The following SOX6 variants were observed in gnomAD, a reference collection of about 807,000 sequenced individuals.
SOX6 encodes the protein transcription factor SOX-6.
A neutral mutation model predicts 97.8 loss-of-function variants in SOX6; 11 were observed. The observed-to-expected ratio is 0.11, with a 90% CI of 0.07 to 0.19. The LOEUF (loss-of-function observed/expected upper bound fraction) is 0.19, where lower values mean the gene tolerates loss of function less well. Ranked by LOEUF, SOX6 falls within the 10% of genes least tolerant of loss-of-function variation. The pLI is 1.00. For synonymous variants in SOX6, 360 were observed against 371.4 expected, an observed-to-expected ratio of 0.97 and a Z score of 0.35; for missense variants, 810 against 1,039.5, an observed-to-expected ratio of 0.78 and a Z score of 3.04.
intron 3 of SOX6, among the ~76,000 whole-genome samples, chr11:16,638,831 A>G (rs1455432153): frequency 6.6e-6 from 1 of 152,190 alleles, no homozygotes; most frequent in Non-Finnish European, 1.5e-5. Context: ...CCTTTGTCAG[A>G]TGAGTAGATT....
intron 13 of SOX6, among the ~76,000 whole-genome samples, chr11:15,998,015 G>A (rs939338832): frequency 6.6e-6 from 1 of 151,880 alleles, no homozygotes; most frequent in African/African-American, 2.4e-5. Context: ...GGGAGGCAGA[G>A]GCTGCAGTGA....
chr11:16,275,648 T>C (rs1234182172), intron 3 of SOX6, among the ~76,000 whole-genome samples: 1 of 152,166 alleles, frequency 6.6e-6, no homozygotes, highest in East Asian at 1.9e-4. Context: ...AAAGGAAGCA[T>C]AGGTATTTTA....
At chr11:16,443,066 G>A (rs1859536048) in intron 1 of SOX6, among the ~76,000 whole-genome samples, 1 of 151,650 alleles carries the variant, frequency 6.6e-6, no homozygotes, top group African/African-American at 2.4e-5. Context: ...TTTAATGTCT[G>A]GTGCATTTAC....
At chr11:16,587,534 T>A (rs1334636292) in intron 4 of SOX6, among the ~76,000 whole-genome samples, 1 of 152,196 alleles carries the variant, frequency 6.6e-6, no homozygotes, top group East Asian at 1.9e-4. Flanking sequence ...TGGTAACGGC[T>A]CAATATATGT....
At position 16,649,100 on chromosome 11, in the gene SOX6, C is replaced by A. The variant is rs1329847758; in HGVS notation, n.430-36840G>T. On this transcript the variant is annotated intron_variant and non_coding_transcript_variant, in intron 3 of 5. Transcript: ENST00000524520. ...AAAGAAGGAAAAAAAAAGAACAAAG[C>A]CTCCAAAATATTTGGGATTATCTTA... 2.6e-5 allele frequency among the ~76,000 whole-genome samples: 4 copies of A among 152,004 alleles called. No individual in the cohort carries two copies. In the East Asian group the frequency reaches 7.7e-4, roughly 29 times the overall value.
At chr11:16,213,104 A>T (rs1337558297) in intron 4 of SOX6, among the ~76,000 whole-genome samples, 4 of 151,948 alleles carry the variant, frequency 2.6e-5, no homozygotes, top group Non-Finnish European at 5.9e-5. Flanking sequence ...TGATTCCTGG[A>T]CCTCAAATCT....
chr11:16,062,353 G>A lies in SOX6; in HGVS notation c.1102-6452C>T, dbSNP rs539055189. ...GACTAATGGTTTAGGAACAGAAAAG[G>A]TTAAATTCTGATTAACTATTACATA... On this transcript the variant is annotated intron_variant, in intron 9 of 15. Coordinates refer to ENST00000683767, the MANE Select transcript of SOX6 (RefSeq NM_001367873.1). 4.0e-5 allele frequency among the ~76,000 whole-genome samples: 6 copies of A among 151,676 alleles called. No homozygotes were observed. In the East Asian group the frequency reaches 1.2e-3, roughly 29 times the overall value.
intron 1 of SOX6, among the ~76,000 whole-genome samples, chr11:16,446,490 T>TGATCTGA (rs760034384): frequency 1.0e-3 from 154 of 152,286 alleles, no homozygotes; most frequent in Middle Eastern, 3.4e-3. Context: ...TTTTATTTAA[T>TGATCTGA]TAGCTTCATG....
At chr11:16,138,642 T>C (rs1404762381) in intron 6 of SOX6, among the ~76,000 whole-genome samples, 3 of 152,122 alleles carry the variant, frequency 2.0e-5, no homozygotes, top group South Asian at 4.2e-4. Context: ...GTTGGTGTGC[T>C]GCACCCATTA....
intron 15 of SOX6, among the ~76,000 whole-genome samples, chr11:15,981,751 A>G (rs4237711): frequency 0.47 from 72,078 of 151,882 alleles, 17,742 homozygotes; most frequent in Non-Finnish European, 0.55. Context: ...GCAAATGTTC[A>G]AATCACTTAT....
rs544525835 is a variant in SOX6, at chr11:16,648,682, C to T, written n.430-36422G>A. ...AATAGTCTACCCAAATGAGAAGGAA[C>T]TAGAAAAGTACTTCTGGTAATATGA... On this transcript the variant is annotated intron_variant and non_coding_transcript_variant, in intron 3 of 5. Transcript: ENST00000524520. Among the ~76,000 whole-genome samples, 29 of 152,196 alleles carry T rather than the reference C, an allele frequency of 1.9e-4. No homozygotes were observed. In the South Asian group the frequency reaches 6.0e-3, roughly 32 times the overall value.
rs570479305 is a variant in SOX6 at position 16,139,783 on chromosome 11, T to C, written c.778-27860A>G. On this transcript the variant is annotated intron_variant, in intron 6 of 15. Transcript: ENST00000683767. ...AATATATTTAGATGTATTATACATA[T>C]TCACACACATTTATACTTCTCTCTA... 3.5e-3 allele frequency among the ~76,000 whole-genome samples: 532 copies of C among 152,068 alleles called. 2 individuals carry two copies. Among genetic ancestry groups the C allele is most frequent in the Admixed American group, 7.0e-3 (107 of 15,242 alleles).
chr11:16,220,577 G>A (rs1002972829), intron 4 of SOX6, among the ~76,000 whole-genome samples: 6 of 151,852 alleles, frequency 4.0e-5, no homozygotes, highest in Non-Finnish European at 5.9e-5. Context: ...ATGTTTAATC[G>A]TTTCCCATGA....
chr11:16,562,568 C>G (rs533194646), intron 4 of SOX6, among the ~76,000 whole-genome samples: 1 of 152,096 alleles, frequency 6.6e-6, no homozygotes, highest in Admixed American at 6.5e-5. Flanking sequence ...AGTGGTGAAC[C>G]TAGAATTCCA....
chr11:16,377,054 G>C (rs1255567246), intron 1 of SOX6, among the ~76,000 whole-genome samples: 5 of 151,736 alleles, frequency 3.3e-5, no homozygotes, highest in African/African-American at 1.2e-4. Flanking sequence ...CAAGTTGTTA[G>C]TTACAGAGTT....
chr11:16,299,143 G>C (rs997810803), intron 3 of SOX6, among the ~76,000 whole-genome samples: 2 of 152,056 alleles, frequency 1.3e-5, no homozygotes, highest in Non-Finnish European at 1.5e-5. Context: ...AATAGTATTT[G>C]ATTTATGTTC....
intron 4 of SOX6, among the ~76,000 whole-genome samples, chr11:16,510,784 A>G (rs1590228166): frequency 6.6e-6 from 1 of 152,090 alleles, no homozygotes; most frequent in Non-Finnish European, 1.5e-5. Flanking sequence ...TGGTACCATC[A>G]TTGCTTTAGA....
intron 3 of SOX6, among the ~76,000 whole-genome samples, chr11:16,276,460 G>C (rs558841843): frequency 6.6e-6 from 1 of 152,254 alleles, no homozygotes; most frequent in South Asian, 2.1e-4. Flanking sequence ...ATGTGACCTA[G>C]TTCTAGATAA....
At chr11:16,051,533 T>C (rs976580784) in intron 10 of SOX6, among the ~76,000 whole-genome samples, 2 of 152,160 alleles carry the variant, frequency 1.3e-5, no homozygotes, top group African/African-American at 2.4e-5. Flanking sequence ...TAGGACAGGT[T>C]CTCAAGCAAC....
Sources: allele counts gnomAD v4.1 joint callset (sites outside exome capture counted in the v4.1 genomes callset), GRCh38; gene constraint gnomAD v4.1.1; transcripts MANE v1.5; gene names NCBI Gene and HGNC (gene_info 2026-07-23, HGNC 2026-07-21).